The following NVL variants were observed in gnomAD, a reference collection of about 807,000 sequenced individuals.
NVL encodes nuclear VCP like.
A neutral mutation model predicts 110.2 loss-of-function variants in NVL; 84 were observed. The ratio of observed to expected loss-of-function variants is 0.76; its 90% CI spans 0.64 to 0.91. The LOEUF (loss-of-function observed/expected upper bound fraction) is 0.91, where lower values mean the gene tolerates loss of function less well. Among genes scored for constraint, NVL ranks in the 40% least tolerant of loss-of-function variants. The pLI is 0.00. For missense variants in NVL, 882 were observed against 1,035.9 expected (o/e 0.85, Z 2.04); for synonymous variants, 354 against 361.1 (o/e 0.98, Z 0.22).
At chr1:224,298,504 A>G (rs1668090426) in intron 10 of NVL, 1 of 202,722 alleles carries the variant, frequency 4.9e-6, no homozygotes, top group Admixed American at 4.8e-5. Context: ...ACCAAAGGGA[A>G]AGTGTCAGCA....
chr1:224,330,135 G>A lies in NVL; in HGVS notation c.-8C>T. 1 of 1,613,896 alleles carries A rather than the reference G, an allele frequency of 6.2e-7. No individual in the cohort carries two copies. On this transcript the variant is annotated 5_prime_UTR_variant, in exon 1 of 23. Coordinates refer to ENST00000281701, the MANE Select transcript of NVL (RefSeq NM_002533.4). ...TGCAGGTCTGGGCTTCATCGCGTCGGTCTTCCAAGCCACAGCTCGGACCGC... is the reference window on the plus strand; with the variant it reads ...TGCAGGTCTGGGCTTCATCGCGTCGATCTTCCAAGCCACAGCTCGGACCGC...
Position 224,308,054 on chromosome 1 carries a change from G to A in NVL, c.552C>T (p.Asp184=). The change falls in exon 6 of 23, where the codon GAC becomes GAT. Residue 184 remains aspartate, a synonymous_variant. Transcript: ENST00000281701. ...FIDKTPSVKK[D]SFFLDLSCEK... ...CACATGACAGGTCCAAGAAAAAACT[G>A]TCTTTCTTTACACTTGGGGTTTTGT... 2 of 1,595,870 alleles carry A rather than the reference G, an allele frequency of 1.3e-6. No individual in the cohort carries two copies. Among genetic ancestry groups the A allele is most frequent in the Non-Finnish European group, 1.7e-6 (2 of 1,173,180 alleles).
At chr1:224,293,919 T>C (rs1350790669) in intron 12 of NVL, among the ~76,000 whole-genome samples, 1 of 152,162 alleles carries the variant, frequency 6.6e-6, no homozygotes. Context: ...GCTCAAGCAA[T>C]CCTCCTGTGC....
Position 224,287,990 on chromosome 1 carries a change from C to T in NVL, c.1579G>A (p.Glu527Lys). ...GTEPTSETQDELQRLLGLLRD... is the reference protein window; with the variant it reads ...GTEPTSETQDKLQRLLGLLRD... Reference sequence around the variant, plus strand: ...AGCAACCCCAGCAGCCTTTGTAATTCATCCTTGAAGGGAACAATAGAGGGG... The same window carrying T: ...AGCAACCCCAGCAGCCTTTGTAATTTATCCTTGAAGGGAACAATAGAGGGG... Residue 527 changes from glutamate to lysine, a missense_variant, in exon 14 of 23, where the codon GAA (glutamate) becomes AAA (lysine). Physicochemically the swap from Glu to Lys is moderately conservative, Grantham distance 56. Coordinates refer to ENST00000281701, the MANE Select transcript of NVL (RefSeq NM_002533.4). 6.2e-7 allele frequency: 1 copy of T among 1,612,334 alleles called. No homozygotes were observed. The highest frequency in any genetic ancestry group is 8.5e-7 in the Non-Finnish European group (1 of 1,179,432).
intron 10 of NVL, among the ~76,000 whole-genome samples, chr1:224,299,139 T>C (rs1214965554): frequency 4.6e-5 from 7 of 152,176 alleles, no homozygotes; most frequent in Non-Finnish European, 2.9e-5. Flanking sequence ...GGGAAAGATA[T>C]TTAGCTTATC....
intron 10 of NVL, among the ~76,000 whole-genome samples, chr1:224,299,284 A>G (rs1300200771): frequency 2.6e-5 from 4 of 152,224 alleles, no homozygotes; most frequent in African/African-American, 9.6e-5. Flanking sequence ...GCACATCAGT[A>G]CTTGTCAGTG....
chr1:224,306,954 TA>T (rs1200872721), intron 6 of NVL, among the ~76,000 whole-genome samples: 1 of 151,842 alleles, frequency 6.6e-6, no homozygotes, highest in Non-Finnish European at 1.5e-5. Context: ...TATTAATAAA[TA>T]AAAAGGGGAA....
chr1:224,235,369 T>C (rs749170716), intron 20 of NVL, among the ~76,000 whole-genome samples: 1 of 152,102 alleles, frequency 6.6e-6, no homozygotes, highest in Non-Finnish European at 1.5e-5. Flanking sequence ...GGTTTCACCA[T>C]GTTGGCCAGG....
intron 5 of NVL, among the ~76,000 whole-genome samples, chr1:224,308,795 C>G (rs1669207318): frequency 6.6e-6 from 1 of 152,022 alleles, no homozygotes; most frequent in Non-Finnish European, 1.5e-5. Flanking sequence ...GGCGCAGTGG[C>G]TCACGCCTGT....
Position 224,286,136 on chromosome 1 carries a change from A to G in NVL, c.1795-6T>C. 1 of 1,607,836 alleles carries G rather than the reference A, an allele frequency of 6.2e-7. No individual in the cohort carries two copies. The highest frequency in any genetic ancestry group is 8.5e-7 in the Non-Finnish European group (1 of 1,174,478). ...TCTGGGTTGCGTACTGGTGCCTGGAAATAATGATACAAACGGCGATCCATT... is the reference window on the plus strand; with the variant it reads ...TCTGGGTTGCGTACTGGTGCCTGGAGATAATGATACAAACGGCGATCCATT... On this transcript the variant is annotated splice_polypyrimidine_tract_variant and splice_region_variant and intron_variant, in intron 14 of 22. Coordinates refer to ENST00000281701, the MANE Select transcript of NVL (RefSeq NM_002533.4).
At chr1:224,240,829 G>A (rs1661111664) in intron 19 of NVL, among the ~76,000 whole-genome samples, 1 of 135,702 alleles carries the variant, frequency 7.4e-6, no homozygotes, top group South Asian at 2.3e-4. Flanking sequence ...CTCGCCCTGT[G>A]GCCCAGGCTG....
chr1:224,278,399 A>T (rs1665987128), intron 16 of NVL, among the ~76,000 whole-genome samples: 1 of 151,618 alleles, frequency 6.6e-6, no homozygotes. Flanking sequence ...TGCCTGGCTA[A>T]TTTTTTTGTA....
intron 18 of NVL, among the ~76,000 whole-genome samples, chr1:224,264,394 C>A (rs1397260463): frequency 1.3e-5 from 2 of 151,514 alleles, no homozygotes; most frequent in Admixed American, 6.6e-5. Context: ...ATTGCAGGCG[C>A]CCACCACCAC....
At chr1:224,296,172 C>T (rs894618907) in intron 11 of NVL, among the ~76,000 whole-genome samples, 8 of 151,926 alleles carry the variant, frequency 5.3e-5, no homozygotes, top group Admixed American at 4.6e-4. Context: ...GAAGAAGCAA[C>T]CTACAATCTG....
intron 4 of NVL, 38 bp downstream of exon 4, chr1:224,317,656 T>C (rs1455041580): frequency 1.6e-6 from 2 of 1,216,104 alleles, no homozygotes; most frequent in Non-Finnish European, 2.4e-6. Context: ...CATGATAAAG[T>C]TCATGGTTTA....
chr1:224,281,229 G>C, intron 15 of NVL, 44 bp from the exon 16 acceptor site: 1 of 1,442,064 alleles, frequency 6.9e-7, no homozygotes, highest in Non-Finnish European at 9.8e-7. Flanking sequence ...CCAATACACA[G>C]TAATAATAAC....
chr1:224,305,106 T>C lies in NVL; in HGVS notation c.676A>G (p.Lys226Glu). 6.2e-7 allele frequency: 1 copy of C among 1,613,848 alleles called. No individual in the cohort carries two copies. The change falls in exon 7 of 23, where the codon AAA becomes GAA. Residue 226 changes from lysine to glutamate, a missense_variant. Lys to Glu is a moderately conservative substitution (Grantham distance 56, BLOSUM62 1). This residue lies in a region of NVL where 274 missense variants were observed against 268.4 expected (regional missense o/e 1.02). Transcript: ENST00000281701. The part of the protein sequence containing the change: ...DMKRKGKLKN[K>E]GSKRKKEDLQ... ...TCTTCTTTCTTCCTTTTGCTTCCTT[T>C]ATTCTTTAGCTTGCCTTTCCGTTTC... is the stretch of plus-strand genomic sequence containing the variant.
intron 16 of NVL, among the ~76,000 whole-genome samples, chr1:224,280,533 A>G (rs1666219237): frequency 6.6e-6 from 1 of 152,176 alleles, no homozygotes; most frequent in Non-Finnish European, 1.5e-5. Context: ...GGAAATACTT[A>G]AGTATAACTC....
At chr1:224,255,863 T>C (rs1174801699) in intron 18 of NVL, among the ~76,000 whole-genome samples, 1 of 152,256 alleles carries the variant, frequency 6.6e-6, no homozygotes, top group Non-Finnish European at 1.5e-5. Flanking sequence ...TTTTCAATGG[T>C]CTTTGATTCA....
Sources: gnomAD v4.1 joint callset for allele counts (sites outside exome capture counted in the v4.1 genomes callset) on GRCh38, gnomAD v4.1.1 for gene constraint, gnomAD v4.1.1 regional missense constraint, MANE v1.5 for transcripts, NCBI Gene and HGNC (gene_info 2026-07-23, HGNC 2026-07-21) for gene names.